The following SUGCT variants were observed in gnomAD, a reference collection of about 807,000 sequenced individuals.
SUGCT encodes the protein succinyl-CoA:glutarate CoA-transferase.
Under a neutral mutation model 55.0 loss-of-function variants are expected in SUGCT, and 41 were observed. The observed-to-expected ratio is 0.74, with a 90% CI of 0.58 to 0.97. The LOEUF is 0.97. SUGCT is among the 50% of genes least tolerant of loss of function. The pLI is 0.00. For synonymous variants in SUGCT, 187 were observed against 200.4 expected (o/e 0.93, Z 0.56); for missense variants, 568 against 547.8 (o/e 1.04, Z -0.37).
intron 8 of SUGCT, among the ~76,000 whole-genome samples, chr7:40,297,181 A>G (rs1278770377): frequency 6.6e-6 from 1 of 151,904 alleles, no homozygotes; most frequent in African/African-American, 2.4e-5. Context: ...TGTTCACCTT[A>G]TTACTACATT....
intron 4 of SUGCT, among the ~76,000 whole-genome samples, chr7:40,189,323 C>A (rs938105356): frequency 1.3e-5 from 2 of 149,008 alleles, no homozygotes; most frequent in Non-Finnish European, 3.0e-5. Context: ...GCCTGGGTGA[C>A]AGAGCAAGAC....
At chr7:40,214,358 A>C (rs1787505715) in intron 6 of SUGCT, among the ~76,000 whole-genome samples, 1 of 152,168 alleles carries the variant, frequency 6.6e-6, no homozygotes, top group Non-Finnish European at 1.5e-5. Context: ...ATCACTTTAT[A>C]TGTATTACCT....
the SUGCT span, among the ~76,000 whole-genome samples, chr7:41,008,223 G>T: frequency 6.6e-6 from 1 of 152,218 alleles, no homozygotes; most frequent in Non-Finnish European, 1.5e-5. Context: ...GATTCTTCCT[G>T]GTTCCATTTT....
chr7:40,374,025 A>G (rs923742313), intron 9 of SUGCT, among the ~76,000 whole-genome samples: 2 of 152,144 alleles, frequency 1.3e-5, no homozygotes, highest in Non-Finnish European at 2.9e-5. Flanking sequence ...TGGCTGTGAA[A>G]CAAGACTTGA....
At chr7:40,487,932 A>G (rs1791469261) in intron 11 of SUGCT, among the ~76,000 whole-genome samples, 1 of 152,028 alleles carries the variant, frequency 6.6e-6, no homozygotes, top group South Asian at 2.1e-4. Context: ...TCAGCATACT[A>G]CAAGAGAAAG....
intron 6 of SUGCT, among the ~76,000 whole-genome samples, chr7:40,227,922 GC>G (rs1000938032): frequency 1.3e-5 from 2 of 151,082 alleles, no homozygotes; most frequent in African/African-American, 2.4e-5. Flanking sequence ...CGCTTTTGTT[GC>G]CCAGGCTGGA....
At chr7:40,763,794 C>G (rs897388077) in intron 13 of SUGCT, among the ~76,000 whole-genome samples, 1 of 152,120 alleles carries the variant, frequency 6.6e-6, no homozygotes, top group Non-Finnish European at 1.5e-5. Context: ...GTTATTTCTT[C>G]CCTTCACTCG....
intron 12 of SUGCT, among the ~76,000 whole-genome samples, chr7:40,637,790 C>G (rs1193226550): frequency 5.3e-5 from 8 of 152,282 alleles, no homozygotes; most frequent in African/African-American, 2.4e-5. Flanking sequence ...ATGAAATATG[C>G]TTCTTTGAGA....
the SUGCT span, among the ~76,000 whole-genome samples, chr7:40,908,894 G>A: frequency 5.9e-5 from 9 of 152,090 alleles, no homozygotes; most frequent in South Asian, 8.3e-4. Flanking sequence ...GTGTACATGC[G>A]CTTTTCTGTA....
intron 9 of SUGCT, among the ~76,000 whole-genome samples, chr7:40,393,695 A>G (rs1448157208): frequency 6.6e-6 from 1 of 152,110 alleles, no homozygotes; most frequent in East Asian, 1.9e-4. Context: ...GTCTGGAATA[A>G]AGAGATAAGT....
chr7:40,140,150 C>T (rs547737179), intron 1 of SUGCT, among the ~76,000 whole-genome samples: 19 of 152,170 alleles, frequency 1.2e-4, no homozygotes, highest in East Asian at 1.9e-4. Flanking sequence ...TTGATCCGCC[C>T]GCCTAGGCCT....
chr7:40,974,960 C>T, the SUGCT span, among the ~76,000 whole-genome samples: 3 of 152,138 alleles, frequency 2.0e-5, no homozygotes, highest in Non-Finnish European at 2.9e-5. Context: ...TTAAAGCTCT[C>T]TGAGAGTAAA....
At chr7:40,855,709 G>A (rs1425491489) in intron 13 of SUGCT, among the ~76,000 whole-genome samples, 1 of 152,160 alleles carries the variant, frequency 6.6e-6, no homozygotes, top group African/African-American at 2.4e-5. Context: ...TACTCTGAAT[G>A]AGAATGCTTG....
the SUGCT span, among the ~76,000 whole-genome samples, chr7:41,037,144 T>C: frequency 6.6e-6 from 1 of 152,220 alleles, no homozygotes; most frequent in East Asian, 1.9e-4. Context: ...GTGAAATTTG[T>C]AGCACAAAGA....
Position 40,377,134 on chromosome 7 carries a change from C to CTT in SUGCT, c.816+60281_816+60282dup, listed in dbSNP as rs1256045910. On this transcript the variant is annotated intron_variant, in intron 9 of 13. Transcript: ENST00000335693. ...AAGGAAATTTTCAGCCTTCCTCTTTCTTTCTTTCTTTCTTTCTTTCTTTCT... is the reference window on the plus strand; with the variant it reads ...AAGGAAATTTTCAGCCTTCCTCTTTCTTTTTCTTTCTTTCTTTCTTTCTTTCT... 3.6e-4 allele frequency among the ~76,000 whole-genome samples: 3 copies of CTT among 8,252 alleles called. 1 individual carries two copies. The highest frequency in any genetic ancestry group is 6.5e-4 in the African/African-American group (3 of 4,592). 5.4% of individuals were successfully genotyped at this position (8,252 alleles called of 152,430 possible).
chr7:41,009,940 C>G, the SUGCT span, among the ~76,000 whole-genome samples: 4 of 152,206 alleles, frequency 2.6e-5, no homozygotes, highest in Non-Finnish European at 5.9e-5. Flanking sequence ...AAAGAAACTT[C>G]CCTTGAGATA....
chr7:40,396,556 G>A (rs115022348), intron 9 of SUGCT, among the ~76,000 whole-genome samples: 2,952 of 152,202 alleles, frequency 0.019, 86 homozygotes, highest in African/African-American at 0.068. Context: ...CATTTTTGCC[G>A]ATTTACTTCC....
intron 13 of SUGCT, among the ~76,000 whole-genome samples, chr7:40,767,608 C>T (rs1040565181): frequency 6.6e-6 from 1 of 152,146 alleles, no homozygotes; most frequent in Non-Finnish European, 1.5e-5. Flanking sequence ...AATGCTGACC[C>T]ATCAGGTGGG....
rs368734131 is a variant in SUGCT at position 40,458,314 on chromosome 7, C to T, written c.889-787C>T. 1.7e-3 allele frequency among the ~76,000 whole-genome samples: 266 copies of T among 152,320 alleles called. 6 individuals are homozygous for T. The South Asian group carries it at 0.054, about 31-fold the overall frequency. On this transcript the variant is annotated intron_variant, in intron 10 of 13. Coordinates refer to ENST00000335693, the MANE Select transcript of SUGCT (RefSeq NM_001193313.2). ...CTGCCTCTACACAGTCTTTGTAAAA[C>T]TTTTCCATTCCAAATCCACTTGGTA...
Sources: gnomAD v4.1 joint callset for allele counts (sites outside exome capture counted in the v4.1 genomes callset) on GRCh38, gnomAD v4.1.1 for gene constraint, MANE v1.5 for transcripts, NCBI Gene and HGNC (gene_info 2026-07-23, HGNC 2026-07-21) for gene names.